The following RUNX1T1 variants were observed in gnomAD, a reference collection of about 807,000 sequenced individuals.
The protein encoded by RUNX1T1 is RUNX1 partner transcriptional co-repressor 1.
In RUNX1T1, 4 loss-of-function variants were observed where a neutral mutation model predicts 62.8. The ratio of observed to expected loss-of-function variants is 0.06; its 90% CI spans 0.03 to 0.15. The LOEUF is 0.15. Ranked by LOEUF, RUNX1T1 falls within the 10% of genes least tolerant of loss-of-function variation. The pLI is 1.00. For synonymous variants in RUNX1T1, 291 were observed against 286.0 expected (o/e 1.02, Z -0.18); for missense variants, 508 against 754.3 (o/e 0.67, Z 3.82).
chr8:92,026,699 G>A (rs946510036), intron 1 of RUNX1T1, among the ~76,000 whole-genome samples: 5 of 152,042 alleles, frequency 3.3e-5, no homozygotes, highest in Non-Finnish European at 7.4e-5. Flanking sequence ...GCGGGCGCCT[G>A]TAGTCCAAGC....
At chr8:92,082,334 T>C (rs1835401131) in intron 1 of RUNX1T1, among the ~76,000 whole-genome samples, 1 of 152,164 alleles carries the variant, frequency 6.6e-6, no homozygotes, top group African/African-American at 2.4e-5. Context: ...GTGGTAGGGT[T>C]TGAAGAATTC....
In RUNX1T1 at chr8:92,015,845, G is replaced by T. The variant is rs974712089; in HGVS notation, c.146-1025C>A. On this transcript the variant is annotated intron_variant, in intron 2 of 10. Transcript: ENST00000396218. ...TCACAACTGAGTATCATAATAACCT[G>T]TCAAGAAATGCCAGCTCACCAGGAC... Among the ~76,000 whole-genome samples the T allele has an allele frequency of 8.5e-5, 13 of 152,172 alleles. 1 individual carries two copies. Among genetic ancestry groups the T allele is most frequent in the Non-Finnish European group, 1.6e-4 (11 of 68,032 alleles).
rs62520946 is a variant in RUNX1T1 at position 92,094,835 on chromosome 8, G to C, written c.-86+4745C>G. 5.3e-5 allele frequency among the ~76,000 whole-genome samples: 8 copies of C among 152,156 alleles called. No individual in the cohort carries two copies. The South Asian group carries it at 6.2e-4, about 12-fold the overall frequency. The stretch of plus-strand genomic sequence containing the variant: ...TCTAGCCCTTCCTTCCACCAAAAGA[G>C]AGACAGTCTCACCTTAAAATAAAAA... On this transcript the variant is annotated intron_variant, in intron 1 of 11. Coordinates refer to the RUNX1T1 transcript ENST00000265814.
At chr8:92,073,870 A>C (rs1394365015) in intron 2 of RUNX1T1, among the ~76,000 whole-genome samples, 1 of 151,966 alleles carries the variant, frequency 6.6e-6, no homozygotes, top group Non-Finnish European at 1.5e-5. Flanking sequence ...CTGAATTTTT[A>C]ATTTTTTTGT....
chr8:92,063,930 T>C (rs1832466290), upstream of RUNX1T1, among the ~76,000 whole-genome samples: 1 of 152,190 alleles, frequency 6.6e-6, no homozygotes, highest in Non-Finnish European at 1.5e-5. Context: ...TCAATGAACA[T>C]GATAGACAGG....
At chr8:92,069,408 T>TA (rs376981215) in intron 2 of RUNX1T1, among the ~76,000 whole-genome samples, 4,502 of 146,640 alleles carry the variant, frequency 0.031, 96 homozygotes, top group African/African-American at 0.064. Context: ...TACACAGCAA[T>TA]AAAAAAAAAA....
exon 11 of RUNX1T1, chr8:91,960,361 C>T (rs2130417156): frequency 6.2e-7 from 1 of 1,614,072 alleles, no homozygotes; most frequent in Non-Finnish European, 8.5e-7. Context: ...GAGGAGCTGA[C>T]TGCAGGTGTG....
chr8:91,962,219 T>C (rs1810621196), intron 10 of RUNX1T1, among the ~76,000 whole-genome samples: 4 of 152,230 alleles, frequency 2.6e-5, no homozygotes, highest in Admixed American at 2.6e-4. Flanking sequence ...TTCTTATTTC[T>C]TTAACCATCA....
downstream of RUNX1T1, chr8:91,957,699 T>C (rs1809586515): frequency 4.4e-6 from 1 of 225,456 alleles, no homozygotes; most frequent in Admixed American, 5.7e-5. Context: ...GCCTAGAACA[T>C]ATAATAGCTC....
chr8:92,021,801 T>C (rs989053087), intron 1 of RUNX1T1, among the ~76,000 whole-genome samples: 1 of 151,842 alleles, frequency 6.6e-6, no homozygotes, highest in Non-Finnish European at 1.5e-5. Flanking sequence ...TTCAACTCCA[T>C]GATCCATTCC....
chr8:91,966,319 T>C (rs1390015531), intron 10 of RUNX1T1, among the ~76,000 whole-genome samples: 1 of 152,030 alleles, frequency 6.6e-6, no homozygotes, highest in African/African-American at 2.4e-5. Context: ...ACAGGTGGCA[T>C]TTCCAGTTTG....
chr8:92,079,384 C>G (rs1834891481), intron 1 of RUNX1T1, among the ~76,000 whole-genome samples: 1 of 152,318 alleles, frequency 6.6e-6, no homozygotes, highest in Non-Finnish European at 1.5e-5. Flanking sequence ...GTTTCTGGCA[C>G]TGGACTGTAG....
chr8:92,102,806 G>C (rs974105181), upstream of RUNX1T1: 4 of 1,485,650 alleles, frequency 2.7e-6, no homozygotes, highest in Non-Finnish European at 3.6e-6. The surrounding 1 kb of genome is among the most constrained non-coding windows in gnomAD (Gnocchi z 4.5). Flanking sequence ...AACAGTCAGG[G>C]GCCCGACCCC....
chr8:91,971,368 A>G (rs1435090443), intron 9 of RUNX1T1, among the ~76,000 whole-genome samples: 1 of 152,180 alleles, frequency 6.6e-6, no homozygotes, highest in Non-Finnish European at 1.5e-5. Context: ...GTTAACATGA[A>G]TATAGGAGGG....
intron 8 of RUNX1T1, 32 bp from the exon 10 acceptor site, chr8:91,976,005 G>A: frequency 6.7e-7 from 1 of 1,486,636 alleles, no homozygotes; most frequent in Non-Finnish European, 9.4e-7. Context: ...GGTGGAGAGA[G>A]GAGGAGAGTA....
intron 6 of RUNX1T1, 96 bp from the exon 8 acceptor site, chr8:91,987,068 T>C: frequency 1.2e-6 from 1 of 801,792 alleles, no homozygotes; most frequent in Non-Finnish European, 2.2e-6. Context: ...GCAAACTCGA[T>C]GTAAAAATAC....
intron 2 of RUNX1T1, among the ~76,000 whole-genome samples, chr8:92,016,459 G>A (rs1313650308): frequency 1.3e-5 from 2 of 152,126 alleles, no homozygotes; most frequent in East Asian, 1.9e-4. Context: ...GGAGCATCAC[G>A]AGGTCGGAAG....
intron 10 of RUNX1T1, among the ~76,000 whole-genome samples, chr8:91,964,061 C>CAA (rs1811087359): frequency 6.6e-6 from 1 of 152,130 alleles, no homozygotes; most frequent in East Asian, 1.9e-4. Context: ...GGTTGTGACT[C>CAA]AGATGAAGAA....
chr8:92,101,453 G>A (rs953810471), upstream of RUNX1T1, among the ~76,000 whole-genome samples: 12 of 152,080 alleles, frequency 7.9e-5, no homozygotes, highest in African/African-American at 2.9e-4. Context: ...CCTCCTCCAC[G>A]GGAATCCTAG....
Sources: gnomAD v4.1 joint callset for allele counts (sites outside exome capture counted in the v4.1 genomes callset) on GRCh38, gnomAD v4.1.1 for gene constraint, Gnocchi (gnomAD v3.1) non-coding constraint, MANE v1.5 for transcripts, NCBI Gene and HGNC (gene_info 2026-07-23, HGNC 2026-07-21) for gene names.